Variants in KCNQ3 observed in about 807,000 individuals in gnomAD.
KCNQ3 encodes potassium voltage-gated channel subfamily Q member 3.
A neutral mutation model predicts 92.5 loss-of-function variants in KCNQ3; 30 were observed. The ratio of observed to expected loss-of-function variants is 0.32; its 90% CI spans 0.24 to 0.44. KCNQ3 has a LOEUF of 0.44. KCNQ3 is among the 20% of genes least tolerant of loss of function. The pLI is 1.00. For missense variants in KCNQ3, 913 were observed against 1,140.3 expected, an observed-to-expected ratio of 0.80 and a Z score of 2.87; for synonymous variants, 450 against 468.8, an observed-to-expected ratio of 0.96 and a Z score of 0.52.
intron 14 of KCNQ3, 133 bp from the exon 15 acceptor site, chr8:132,130,129 C>T (rs940360985): frequency 9.1e-7 from 1 of 1,097,902 alleles, no homozygotes; most frequent in Non-Finnish European, 1.3e-6. Context: ...GTCACCCAGG[C>T]TGGAGTGCAG....
intron 1 of KCNQ3, among the ~76,000 whole-genome samples, chr8:132,242,083 T>C (rs1815016179): frequency 6.6e-6 from 1 of 152,210 alleles, no homozygotes; most frequent in Admixed American, 6.5e-5. Context: ...TAAATTTAGC[T>C]CATTCTTTTG....
chr8:132,174,186 G>A (rs1826472301), intron 6 of KCNQ3, 53 bp downstream of exon 6: 8 of 1,277,256 alleles, frequency 6.3e-6, no homozygotes, highest in Non-Finnish European at 7.8e-6. Context: ...GGCACCAGGC[G>A]GTAAGGGGTC....
At chr8:132,343,724 TC>T (rs1818601050) in intron 1 of KCNQ3, among the ~76,000 whole-genome samples, 1 of 152,054 alleles carries the variant, frequency 6.6e-6, no homozygotes, top group South Asian at 2.1e-4. Context: ...CTCCCTGATT[TC>T]CCAAGCTGGA....
chr8:132,264,114 G>A (rs551598750), intron 1 of KCNQ3, among the ~76,000 whole-genome samples: 1 of 152,326 alleles, frequency 6.6e-6, no homozygotes, highest in East Asian at 1.9e-4. Flanking sequence ...CTAGCAAGTG[G>A]TGAAATTGGG....
intron 1 of KCNQ3, among the ~76,000 whole-genome samples, chr8:132,212,293 CA>C (rs1396834524): frequency 1.1e-4 from 16 of 152,054 alleles, no homozygotes; most frequent in Admixed American, 1.0e-3. Context: ...GCTTCAGCAC[CA>C]AAAACCTCTA....
chr8:132,378,416 A>C, intron 1 of KCNQ3, among the ~76,000 whole-genome samples: 1 of 152,162 alleles, frequency 6.6e-6, no homozygotes, highest in East Asian at 1.9e-4. Flanking sequence ...AGACAATACT[A>C]AAAACATTAA....
intron 8 of KCNQ3, 108 bp from the exon 9 acceptor site, chr8:132,163,602 T>G: frequency 5.1e-6 from 5 of 986,638 alleles, no homozygotes; most frequent in Non-Finnish European, 8.0e-6. Context: ...TGGAGCAGAG[T>G]TGAGCTCTAG....
At chr8:132,407,332 C>T (rs1820518418) in intron 1 of KCNQ3, among the ~76,000 whole-genome samples, 1 of 152,204 alleles carries the variant, frequency 6.6e-6, no homozygotes, top group Non-Finnish European at 1.5e-5. Context: ...GAGACCATCT[C>T]TAGTGGACAA....
At chr8:132,283,818 G>T (rs1481738412) in intron 1 of KCNQ3, among the ~76,000 whole-genome samples, 1 of 152,216 alleles carries the variant, frequency 6.6e-6, no homozygotes, top group Non-Finnish European at 1.5e-5. Flanking sequence ...TTCATAAACT[G>T]GTTCCTGATA....
At chr8:132,220,670 GT>G (rs1310255192) in intron 1 of KCNQ3, among the ~76,000 whole-genome samples, 2 of 152,108 alleles carry the variant, frequency 1.3e-5, no homozygotes, top group Admixed American at 6.5e-5. Flanking sequence ...AATTGTTTGA[GT>G]TTGGGAGGCA....
chr8:132,406,782 C>T (rs1467699091), intron 1 of KCNQ3, among the ~76,000 whole-genome samples: 4 of 152,190 alleles, frequency 2.6e-5, no homozygotes, highest in African/African-American at 9.7e-5. Context: ...ATTCAATTGA[C>T]TCCGACTTCA....
At chr8:132,454,188 G>T (rs1385119283) in intron 1 of KCNQ3, among the ~76,000 whole-genome samples, 11 of 152,178 alleles carry the variant, frequency 7.2e-5, no homozygotes, top group Non-Finnish European at 1.3e-4. Flanking sequence ...AGCTCAGGGA[G>T]AAGGGCCCAG....
rs1350856855 is a variant in KCNQ3 at position 132,128,469 on chromosome 8, C to T, written c.*793G>A. The T allele has an allele frequency of 2.0e-5, 3 of 151,258 alleles. No individual in the cohort carries two copies. The highest frequency in any genetic ancestry group is 7.3e-5 in the African/African-American group (3 of 41,046). 9.4% of individuals were successfully genotyped at this position (151,258 alleles called of 1,614,324 possible). On this transcript the variant is annotated 3_prime_UTR_variant, in exon 15 of 15. Transcript: ENST00000388996. ...TTCACTTCTGATAAATTCCATTGTC[C>T]TTGGCTACATAAATTGGAAACTATT...
chr8:132,318,983 G>C (rs1817819957), intron 1 of KCNQ3, among the ~76,000 whole-genome samples: 1 of 152,166 alleles, frequency 6.6e-6, no homozygotes, highest in African/African-American at 2.4e-5. Flanking sequence ...AAGACTAAGG[G>C]GGAAGGTTTC....
chr8:132,155,649 G>A (rs943351918), intron 9 of KCNQ3, among the ~76,000 whole-genome samples: 3 of 152,144 alleles, frequency 2.0e-5, no homozygotes, highest in South Asian at 2.1e-4. Flanking sequence ...AATCTGTAAC[G>A]TGCAACGTCT....
intron 1 of KCNQ3, among the ~76,000 whole-genome samples, chr8:132,451,867 G>C (rs898840430): frequency 6.6e-6 from 1 of 152,196 alleles, no homozygotes; most frequent in South Asian, 2.1e-4. Context: ...TGGATGTTTG[G>C]ATGTTCGGTC....
At chr8:132,358,351 C>T (rs1279326566) in intron 1 of KCNQ3, among the ~76,000 whole-genome samples, 1 of 152,014 alleles carries the variant, frequency 6.6e-6, no homozygotes, top group Non-Finnish European at 1.5e-5. Context: ...TGCTTTAGAC[C>T]CCCTCTGGGA....
chr8:132,175,375 G>T, intron 5 of KCNQ3, 78 bp downstream of exon 5: 1 of 1,498,138 alleles, frequency 6.7e-7, no homozygotes, highest in Middle Eastern at 2.0e-4. Context: ...GGCTGAACAT[G>T]CTCATGTGAT....
At chr8:132,151,695 T>A (rs965904468) in intron 9 of KCNQ3, among the ~76,000 whole-genome samples, 55 of 152,344 alleles carry the variant, frequency 3.6e-4, no homozygotes, top group African/African-American at 1.3e-3. Context: ...TTTCATAATG[T>A]CAAGTGTTTT....
Sources: allele counts gnomAD v4.1 joint callset (sites outside exome capture counted in the v4.1 genomes callset), GRCh38; gene constraint gnomAD v4.1.1; transcripts MANE v1.5; gene names NCBI Gene and HGNC (gene_info 2026-07-23, HGNC 2026-07-21).